Variants in CRYBG3 observed in about 807,000 individuals in gnomAD.
CRYBG3 encodes the protein crystallin beta-gamma domain containing 3.
CRYBG3 carries 127 observed loss-of-function variants against 244.2 expected under a neutral mutation model. The ratio of observed to expected loss-of-function variants is 0.52; its 90% CI spans 0.45 to 0.60. The LOEUF (loss-of-function observed/expected upper bound fraction) is 0.60. Ranked by LOEUF, CRYBG3 falls within the 20% of genes least tolerant of loss-of-function variation. CRYBG3 has a pLI of 0.00. For synonymous variants in CRYBG3, 1,132 were observed against 1,195.8 expected, an observed-to-expected ratio of 0.95 and a Z score of 1.10; for missense variants, 3,325 against 3,442.5, an observed-to-expected ratio of 0.97 and a Z score of 0.85.
chr3:97,941,155 T>A lies in CRYBG3; in HGVS notation c.8513T>A (p.Val2838Glu), dbSNP rs1436862995. The A allele has an allele frequency of 6.2e-7, 1 of 1,609,006 alleles. No individual in the cohort carries two copies. The highest frequency in any genetic ancestry group is 8.5e-7 in the Non-Finnish European group (1 of 1,177,284). The change falls in exon 20 of 22, where the codon GTG becomes GAG. Residue 2838 changes from valine (V) to glutamate (E), a missense_variant. Physicochemically the swap from Val to Glu is moderately radical, Grantham distance 121. Coordinates refer to ENST00000389622, the MANE Select transcript of CRYBG3 (RefSeq NM_153605.4). ...CTGTTTCTCCTGTCATAGCCTGCAG[T>A]GTACATCAGAATAAAGAACCGTGCC... Reference protein sequence around the residue: ...GSLRPMKQPAVYIRIKNRAQG... With the variant: ...GSLRPMKQPAEYIRIKNRAQG...
At position 97,873,533 on chromosome 3, in the gene CRYBG3, C is replaced by G. The variant is rs941068124; in HGVS notation, c.2339C>G (p.Pro780Arg). 1.4e-5 allele frequency: 22 copies of G among 1,535,788 alleles called. No homozygotes were observed. The highest frequency in any genetic ancestry group is 1.7e-5 in the Non-Finnish European group (19 of 1,146,826). The change falls in exon 4 of 22, where the codon CCT (proline) becomes CGT (arginine). Residue 780 changes from proline (P) to arginine (R), a missense_variant. Physicochemically the swap from Pro to Arg is moderately radical, Grantham distance 103 (BLOSUM62 -2). Transcript: ENST00000389622. Reference protein sequence around the residue: ...KDCSSILSQDPNRVELVSSNT... With the variant: ...KDCSSILSQDRNRVELVSSNT... ...TGCAGTTCCATTTTATCTCAAGACCCTAATAGAGTAGAGTTAGTGTCTTCA... is the reference window on the plus strand; with the variant it reads ...TGCAGTTCCATTTTATCTCAAGACCGTAATAGAGTAGAGTTAGTGTCTTCA...
chr3:97,943,324 CATCCCTAGAAAG>C lies in CRYBG3; in HGVS notation c.*24_*35del, dbSNP rs759118961. 1.7e-5 allele frequency: 25 copies of C among 1,465,484 alleles called. No individual in the cohort carries two copies. Among genetic ancestry groups the C allele is most frequent in the Middle Eastern group, 1.7e-4 (1 of 5,764 alleles). 90.8% of individuals were successfully genotyped at this position (1,465,484 alleles called of 1,614,324 possible). ...CATTGAAATATTGTGAGAGAATCAA[CATCCCTAGAAAG>C]ATCCCTAGAAAGAGCAAAGAAGGAA... On this transcript the variant is annotated 3_prime_UTR_variant, in exon 22 of 22. Coordinates refer to ENST00000389622, the MANE Select transcript of CRYBG3 (RefSeq NM_153605.4).
chr3:97,940,142 T>C (rs1184446104), intron 19 of CRYBG3, among the ~76,000 whole-genome samples: 2 of 152,136 alleles, frequency 1.3e-5, no homozygotes, highest in Non-Finnish European at 1.5e-5. Flanking sequence ...TTGGGTGTCA[T>C]TTATTACATT....
intron 4 of CRYBG3, 128 bp downstream of exon 4, chr3:97,878,165 C>G: frequency 3.8e-6 from 3 of 787,588 alleles, no homozygotes; most frequent in Non-Finnish European, 5.9e-6. Context: ...AATCCTGGCA[C>G]TTTGGGAGGC....
intron 2 of CRYBG3, among the ~76,000 whole-genome samples, chr3:97,857,783 A>G (rs747728741): frequency 2.6e-5 from 4 of 152,014 alleles, no homozygotes; most frequent in Admixed American, 6.6e-5. Context: ...GCTAATCTAT[A>G]TCTTTTCATT....
chr3:97,841,092 A>T (rs112203458), intron 1 of CRYBG3, among the ~76,000 whole-genome samples: 1 of 151,844 alleles, frequency 6.6e-6, no homozygotes, highest in Non-Finnish European at 1.5e-5. Context: ...ACGGGTTACA[A>T]TTCTGTATTG....
chr3:97,875,866 A>G lies in CRYBG3; in HGVS notation c.4672A>G (p.Ile1558Val), dbSNP rs2039365086. 3.2e-6 allele frequency: 4 copies of G among 1,231,888 alleles called. No individual in the cohort carries two copies. The highest frequency in any genetic ancestry group is 4.0e-6 in the Non-Finnish European group (4 of 987,894). The allele number at this position is 1,231,888 out of a possible 1,614,324, so 76.3% of individuals were successfully genotyped here. The change falls in exon 4 of 22, where the codon ATT (isoleucine) becomes GTT (valine). Residue 1558 changes from isoleucine (I) to valine (V), a missense_variant. Coordinates refer to ENST00000389622, the MANE Select transcript of CRYBG3 (RefSeq NM_153605.4). Reference protein sequence around the residue: ...KTNKKDAELNILKYEAVPPMI... With the variant: ...KTNKKDAELNVLKYEAVPPMI... ...AAACAAAAAGGATGCTGAATTGAAT[A>G]TTCTGAAATATGAGGCAGTCCCTCC...
intron 1 of CRYBG3, among the ~76,000 whole-genome samples, chr3:97,839,750 G>C (rs1410290858): frequency 7.0e-6 from 1 of 142,806 alleles, no homozygotes; most frequent in Non-Finnish European, 1.6e-5. Flanking sequence ...ACCATGCCCA[G>C]CCCCCTTTTT....
chr3:97,841,300 GTA>G (rs542638446), intron 1 of CRYBG3, among the ~76,000 whole-genome samples: 78 of 147,618 alleles, frequency 5.3e-4, no homozygotes, highest in African/African-American at 1.9e-3. Context: ...ACACCTATAT[GTA>G]TATATATGTG....
chr3:97,873,548 T>TA lies in CRYBG3; in HGVS notation c.2355dup (p.Val786SerfsTer6). ...TCTCAAGACCCTAATAGAGTAGAGT[T>TA]AGTGTCTTCAAACACTAAAGCAAAT... On this transcript the variant is annotated frameshift_variant, in exon 4 of 22. Coordinates refer to ENST00000389622, the MANE Select transcript of CRYBG3 (RefSeq NM_153605.4). LOFTEE classifies it high-confidence loss of function. The TA allele has an allele frequency of 6.5e-7, 1 of 1,535,536 alleles. No homozygotes were observed. The highest frequency in any genetic ancestry group is 8.7e-7 in the Non-Finnish European group (1 of 1,146,822).
At chr3:97,848,468 A>C (rs948398282) in intron 2 of CRYBG3, among the ~76,000 whole-genome samples, 1 of 151,590 alleles carries the variant, frequency 6.6e-6, no homozygotes. Flanking sequence ...CTCTCGGCTA[A>C]TTTTTTGTAT....
chr3:97,888,491 A>C (rs746197905), intron 9 of CRYBG3, 36 bp downstream of exon 9: 3 of 1,334,090 alleles, frequency 2.2e-6, no homozygotes, highest in Non-Finnish European at 3.2e-6. Flanking sequence ...CCTTTTCCCA[A>C]GTACCCATGA....
chr3:97,854,060 A>G (rs1023658822), intron 2 of CRYBG3, among the ~76,000 whole-genome samples: 5 of 152,196 alleles, frequency 3.3e-5, no homozygotes, highest in African/African-American at 1.2e-4. Context: ...CAGTTATCCC[A>G]GCACAATTTG....
At chr3:97,862,161 T>C (rs2108201216) in intron 2 of CRYBG3, among the ~76,000 whole-genome samples, 1 of 152,228 alleles carries the variant, frequency 6.6e-6, no homozygotes, top group Middle Eastern at 3.4e-3. Flanking sequence ...TTTCACAAAA[T>C]GTATCTTCCT....
At chr3:97,848,553 A>G (rs1354452902) in intron 2 of CRYBG3, among the ~76,000 whole-genome samples, 1 of 152,084 alleles carries the variant, frequency 6.6e-6, no homozygotes, top group African/African-American at 2.4e-5. Flanking sequence ...CGCCTGCCTC[A>G]GCCTCCCAAA....
chr3:97,938,503 C>A (rs1188056437), intron 19 of CRYBG3, among the ~76,000 whole-genome samples: 2 of 151,886 alleles, frequency 1.3e-5, no homozygotes, highest in South Asian at 4.1e-4. Context: ...AAAATATTAA[C>A]CTAATTGGTC....
intron 15 of CRYBG3, among the ~76,000 whole-genome samples, chr3:97,905,706 C>A (rs1334700125): frequency 2.2e-5 from 3 of 136,752 alleles, no homozygotes; most frequent in Non-Finnish European, 3.2e-5. Flanking sequence ...CCTGTTCACT[C>A]TGATGGTAGT....
intron 7 of CRYBG3, among the ~76,000 whole-genome samples, chr3:97,886,410 A>C (rs933124814): frequency 2.0e-5 from 3 of 152,294 alleles, no homozygotes; most frequent in South Asian, 2.1e-4. Context: ...TTGAGACAAT[A>C]ATTTTTCCAT....
intron 17 of CRYBG3, among the ~76,000 whole-genome samples, chr3:97,920,023 G>A (rs1259528037): frequency 6.6e-6 from 1 of 151,958 alleles, no homozygotes; most frequent in Non-Finnish European, 1.5e-5. Context: ...ACCTGCCTCA[G>A]CCTCCCAAAG....
Sources: gnomAD v4.1 joint callset for allele counts (sites outside exome capture counted in the v4.1 genomes callset) on GRCh38, gnomAD v4.1.1 for gene constraint, MANE v1.5 for transcripts, NCBI Gene and HGNC (gene_info 2026-07-23, HGNC 2026-07-21) for gene names.